QTMAN: variants seen among roughly 807,000 people sequenced by gnomAD.
QTMAN encodes tRNA-queuosine alpha-mannosyltransferase.
At chr2:144,160,558 T>C in the QTMAN span, among the ~76,000 whole-genome samples, 2 of 152,126 alleles carry the variant, frequency 1.3e-5, no homozygotes, top group Non-Finnish European at 2.9e-5. Context: ...GTTGTAAGAT[T>C]ATCAAGAAAA....
the QTMAN span, among the ~76,000 whole-genome samples, chr2:144,019,435 G>GGTGTGTGTGTGTGTGTGTGTGTGTGT: frequency 2.6e-5 from 3 of 117,224 alleles, no homozygotes; most frequent in Admixed American, 8.6e-5. Flanking sequence ...TAAGCATGCA[G>GGTGTGTGTGTGTGTGTGTGTGTGTGT]GTGTGTGTGT....
the QTMAN span, among the ~76,000 whole-genome samples, chr2:144,319,045 A>G: frequency 1.3e-5 from 2 of 152,178 alleles, no homozygotes; most frequent in Non-Finnish European, 2.9e-5. Flanking sequence ...AAACAAAAAT[A>G]CATAGGTTTA....
chr2:144,079,817 T>C, the QTMAN span, among the ~76,000 whole-genome samples: 1 of 152,134 alleles, frequency 6.6e-6, no homozygotes, highest in Non-Finnish European at 1.5e-5. Flanking sequence ...ATAGACTGTA[T>C]TACTGTAAGC....
At chr2:144,229,379 C>T in the QTMAN span, among the ~76,000 whole-genome samples, 1 of 152,202 alleles carries the variant, frequency 6.6e-6, no homozygotes, top group Non-Finnish European at 1.5e-5. Context: ...ATTCCAAAAA[C>T]ATTTGAGTTC....
chr2:144,096,108 T>A, the QTMAN span, among the ~76,000 whole-genome samples: 1 of 152,216 alleles, frequency 6.6e-6, no homozygotes, highest in Non-Finnish European at 1.5e-5. Flanking sequence ...TTGTAAAATT[T>A]CCCATTCTTG....
At chr2:144,106,212 A>C in the QTMAN span, among the ~76,000 whole-genome samples, 1 of 152,202 alleles carries the variant, frequency 6.6e-6, no homozygotes, top group African/African-American at 2.4e-5. Flanking sequence ...AAGCAAAATC[A>C]CCAGCTAACA....
chr2:143,984,002 CAGCCACCA>C, the QTMAN span, among the ~76,000 whole-genome samples: 1 of 152,146 alleles, frequency 6.6e-6, no homozygotes, highest in African/African-American at 2.4e-5. Flanking sequence ...ACCATTAATC[CAGCCACCA>C]AGCCATGATT....
chr2:144,309,420 T>C, the QTMAN span, among the ~76,000 whole-genome samples: 9 of 152,172 alleles, frequency 5.9e-5, no homozygotes, highest in Admixed American at 1.3e-4. Flanking sequence ...ATTTATACAA[T>C]AGAACACTAT....
the QTMAN span, among the ~76,000 whole-genome samples, chr2:144,014,958 A>G: frequency 9.8e-5 from 15 of 152,292 alleles, no homozygotes; most frequent in Admixed American, 9.2e-4. Flanking sequence ...ATTTAACTTA[A>G]ATAATTATGC....
the QTMAN span, among the ~76,000 whole-genome samples, chr2:144,193,552 G>A: frequency 1.1e-4 from 17 of 150,578 alleles, no homozygotes; most frequent in Non-Finnish European, 1.8e-4. Context: ...AGAAGGTCTC[G>A]CTCTGTCACC....
At chr2:144,152,478 A>AAATCCAT in the QTMAN span, among the ~76,000 whole-genome samples, 1 of 152,220 alleles carries the variant, frequency 6.6e-6, no homozygotes, top group Non-Finnish European at 1.5e-5. Flanking sequence ...TTAATCCATA[A>AAATCCAT]AAGACACTTT....
chr2:144,198,801 GAA>G, the QTMAN span, among the ~76,000 whole-genome samples: 1 of 152,124 alleles, frequency 6.6e-6, no homozygotes, highest in African/African-American at 2.4e-5. Context: ...ATATGAACTA[GAA>G]AAAAATTTGT....
the QTMAN span, among the ~76,000 whole-genome samples, chr2:144,112,848 A>G: frequency 1.3e-5 from 2 of 152,176 alleles, no homozygotes; most frequent in African/African-American, 4.8e-5. Context: ...CTCAGTGGTA[A>G]TAAGTTCCCA....
At chr2:144,132,020 T>G in the QTMAN span, among the ~76,000 whole-genome samples, 1 of 151,894 alleles carries the variant, frequency 6.6e-6, no homozygotes, top group African/African-American at 2.4e-5. Context: ...TCGTTTTTAC[T>G]ATCTGAACAT....
chr2:144,144,964 A>T, the QTMAN span, among the ~76,000 whole-genome samples: 1 of 151,280 alleles, frequency 6.6e-6, no homozygotes, highest in Non-Finnish European at 1.5e-5. Flanking sequence ...CAGGAGATAC[A>T]CTTTGTCGAA....
the QTMAN span, among the ~76,000 whole-genome samples, chr2:144,166,315 G>C: frequency 6.6e-6 from 1 of 152,164 alleles, no homozygotes; most frequent in Non-Finnish European, 1.5e-5. Context: ...CATTACCCCT[G>C]CAAGAAGGCT....
the QTMAN span, among the ~76,000 whole-genome samples, chr2:144,045,014 C>T: frequency 6.6e-6 from 1 of 152,218 alleles, no homozygotes; most frequent in African/African-American, 2.4e-5. Flanking sequence ...ACTGTGCCTT[C>T]ATGACTCCTC....
the QTMAN span, among the ~76,000 whole-genome samples, chr2:144,017,829 C>T: frequency 6.6e-6 from 1 of 152,232 alleles, no homozygotes; most frequent in South Asian, 2.1e-4. Flanking sequence ...TCCATTGGCC[C>T]TTTCATAATT....
At chr2:144,307,294 TTAAAA>T in the QTMAN span, among the ~76,000 whole-genome samples, 1 of 149,512 alleles carries the variant, frequency 6.7e-6, no homozygotes, top group Non-Finnish European at 1.5e-5. Context: ...TTCAGTATAC[TTAAAA>T]TAAAAGGGAA....
Sources: gnomAD v4.1 joint callset for allele counts (sites outside exome capture counted in the v4.1 genomes callset) on GRCh38, gnomAD v4.1.1 for gene constraint, MANE v1.5 for transcripts, NCBI Gene and HGNC (gene_info 2026-07-23, HGNC 2026-07-21) for gene names.